BTBD9: variants seen among roughly 807,000 people sequenced by gnomAD.
BTBD9 encodes BTB/POZ domain-containing protein 9.
BTBD9 carries 49 observed loss-of-function variants against 64.3 expected under a neutral mutation model. The ratio of observed to expected loss-of-function variants is 0.76; its 90% CI spans 0.61 to 0.97. The LOEUF (loss-of-function observed/expected upper bound fraction) is 0.97, where lower values mean the gene tolerates loss of function less well. BTBD9 is among the 50% of genes least tolerant of loss of function. BTBD9 has a pLI of 0.00. For missense variants in BTBD9, 598 were observed against 762.1 expected, an observed-to-expected ratio of 0.78 and a Z score of 2.53; for synonymous variants, 260 against 274.7, an observed-to-expected ratio of 0.95 and a Z score of 0.53.
At position 38,465,753 on chromosome 6, in the gene BTBD9, ATATG is replaced by A. The variant is rs1240229381; in HGVS notation, c.1154+111843_1154+111846del. 0.024 allele frequency among the ~76,000 whole-genome samples: 925 copies of A among 39,338 alleles called. 30 individuals carry two copies. The East Asian group carries it at 0.39, about 17-fold the overall frequency. 25.8% of individuals were successfully genotyped at this position (39,338 alleles called of 152,430 possible). On this transcript the variant is annotated intron_variant, in intron 6 of 10. Transcript: ENST00000481247. ...TATATATATATATATATATATATAT[ATATG>A]TATGTATGTATGTATTTCAGTTATT...
At chr6:38,256,043 A>G (rs1048081548) in intron 9 of BTBD9, among the ~76,000 whole-genome samples, 2 of 151,538 alleles carry the variant, frequency 1.3e-5, no homozygotes, top group African/African-American at 4.9e-5. Context: ...TATTGTGCAC[A>G]TGTACCCTAG....
intron 9 of BTBD9, among the ~76,000 whole-genome samples, chr6:38,234,628 A>G (rs1194429480): frequency 6.6e-6 from 1 of 152,232 alleles, no homozygotes; most frequent in Non-Finnish European, 1.5e-5. Context: ...TATTATTTTA[A>G]TAAAAACAGC....
intron 1 of BTBD9, among the ~76,000 whole-genome samples, chr6:38,599,934 A>G (rs1777186653): frequency 1.3e-5 from 2 of 152,244 alleles, no homozygotes; most frequent in Non-Finnish European, 2.9e-5. Flanking sequence ...TAGGAACATC[A>G]GAGAACTAGC....
At chr6:38,596,096 T>C (rs1777020832) in intron 2 of BTBD9, 1 of 975,592 alleles carries the variant, frequency 1.0e-6, no homozygotes, top group Non-Finnish European at 1.2e-6. Flanking sequence ...ATGACAGCAC[T>C]TAGGCCTCTT....
intron 6 of BTBD9, among the ~76,000 whole-genome samples, chr6:38,538,051 T>C (rs10947750): frequency 0.19 from 28,866 of 152,194 alleles, 3,498 homozygotes; most frequent in Non-Finnish European, 0.29. Context: ...ATAAAAGTCA[T>C]TGGGTCTTTT....
Position 38,396,901 on chromosome 6 carries a change from T to C in BTBD9, c.1155-51808A>G, listed in dbSNP as rs957759640. ...CTTGATTCTTTTTTTCTTTTTCTTTTTTTTTTTTTTTTTTTTTTGAGACAA... is the reference window on the plus strand; with the variant it reads ...CTTGATTCTTTTTTTCTTTTTCTTTCTTTTTTTTTTTTTTTTTTGAGACAA... On this transcript the variant is annotated intron_variant, in intron 6 of 10. Coordinates refer to ENST00000481247, the MANE Select transcript of BTBD9 (RefSeq NM_001099272.2). 1.1e-4 allele frequency among the ~76,000 whole-genome samples: 9 copies of C among 80,508 alleles called. No individual in the cohort carries two copies. In the South Asian group the frequency reaches 2.7e-3, roughly 25 times the overall value. 52.8% of individuals were successfully genotyped at this position (80,508 alleles called of 152,430 possible).
At chr6:38,446,567 C>T (rs963943580) in intron 6 of BTBD9, among the ~76,000 whole-genome samples, 3 of 152,138 alleles carry the variant, frequency 2.0e-5, no homozygotes, top group Admixed American at 1.3e-4. Flanking sequence ...CATGTCCACT[C>T]GTATTTCCCA....
chr6:38,374,288 T>TATATATATATAC (rs1280692259), intron 6 of BTBD9, among the ~76,000 whole-genome samples: 2 of 69,284 alleles, frequency 2.9e-5, no homozygotes, highest in African/African-American at 1.2e-4. Flanking sequence ...AAAAAGTATA[T>TATATATATATAC]ATATATATGT....
chr6:38,447,852 T>A (rs936269415), intron 6 of BTBD9, among the ~76,000 whole-genome samples: 3 of 152,166 alleles, frequency 2.0e-5, no homozygotes, highest in African/African-American at 7.2e-5. Flanking sequence ...CAGGGTAAAG[T>A]TAAAGAAGCT....
chr6:38,231,330 T>G (rs1763597951), intron 9 of BTBD9, among the ~76,000 whole-genome samples: 1 of 152,200 alleles, frequency 6.6e-6, no homozygotes, highest in Non-Finnish European at 1.5e-5. Flanking sequence ...TTAAAAACCA[T>G]GCACTATGAG....
At chr6:38,230,223 G>A (rs1303725799) in intron 9 of BTBD9, among the ~76,000 whole-genome samples, 8 of 152,260 alleles carry the variant, frequency 5.3e-5, no homozygotes, top group Admixed American at 2.6e-4. Flanking sequence ...AGCTGGGCGC[G>A]GTGGCTCATG....
At chr6:38,628,220 GA>G (rs1382123935) in intron 1 of BTBD9, among the ~76,000 whole-genome samples, 1 of 152,154 alleles carries the variant, frequency 6.6e-6, no homozygotes, top group African/African-American at 2.4e-5. Context: ...AAAATAGAGA[GA>G]GGGGCACCTA....
At chr6:38,437,441 T>C (rs1050599783) in intron 6 of BTBD9, among the ~76,000 whole-genome samples, 45 of 152,238 alleles carry the variant, frequency 3.0e-4, no homozygotes, top group African/African-American at 9.6e-4. Flanking sequence ...TCTGGATTCA[T>C]GTTCTTTTCC....
intron 8 of BTBD9, among the ~76,000 whole-genome samples, chr6:38,275,794 T>C (rs1351081494): frequency 2.0e-5 from 3 of 151,862 alleles, no homozygotes; most frequent in African/African-American, 4.8e-5. Flanking sequence ...AAAACCACAA[T>C]GAGATACCAA....
At chr6:38,246,243 T>C (rs1764195627) in intron 9 of BTBD9, among the ~76,000 whole-genome samples, 1 of 152,202 alleles carries the variant, frequency 6.6e-6, no homozygotes. Context: ...TAAGTCCCCT[T>C]TAAATGTGCA....
intron 6 of BTBD9, among the ~76,000 whole-genome samples, chr6:38,372,578 A>C (rs1158663315): frequency 5.3e-5 from 8 of 152,188 alleles, no homozygotes; most frequent in Non-Finnish European, 1.2e-4. Flanking sequence ...AGGAACAACA[A>C]ATTAATACTT....
intron 7 of BTBD9, among the ~76,000 whole-genome samples, chr6:38,296,187 C>T (rs1358765055): frequency 6.6e-6 from 1 of 152,068 alleles, no homozygotes; most frequent in Non-Finnish European, 1.5e-5. Flanking sequence ...CTCTTCTCCC[C>T]CTCCTTTTCC....
chr6:38,618,598 T>G (rs536372530), intron 1 of BTBD9, among the ~76,000 whole-genome samples: 16 of 152,274 alleles, frequency 1.1e-4, no homozygotes, highest in African/African-American at 3.8e-4. Flanking sequence ...CTATCGGTTA[T>G]GTCCCCTTCA....
intron 6 of BTBD9, among the ~76,000 whole-genome samples, chr6:38,553,152 G>C (rs1200137191): frequency 6.6e-6 from 1 of 152,002 alleles, no homozygotes; most frequent in Non-Finnish European, 1.5e-5. Flanking sequence ...TATTTTTATT[G>C]TCTTTTTTTC....
Sources: allele counts gnomAD v4.1 joint callset (sites outside exome capture counted in the v4.1 genomes callset), GRCh38; gene constraint gnomAD v4.1.1; transcripts MANE v1.5; gene names NCBI Gene and HGNC (gene_info 2026-07-23, HGNC 2026-07-21).